The following CHRNA7 variants were observed in gnomAD, a reference collection of about 807,000 sequenced individuals.
CHRNA7 encodes the protein neuronal acetylcholine receptor subunit alpha-7.
In CHRNA7, 17 loss-of-function variants were observed where a neutral mutation model predicts 48.0. That is an observed-to-expected ratio of 0.35 (90% CI 0.24 to 0.53). The LOEUF is 0.53. Among genes scored for constraint, CHRNA7 ranks in the 20% least tolerant of loss-of-function variants. The probability of loss-of-function intolerance (pLI) is 0.92; values close to 1 mark genes in which losing one functional copy is unlikely to be tolerated. For missense variants in CHRNA7, 155 were observed against 577.7 expected (o/e 0.27, Z 7.50); for synonymous variants, 75 against 242.3 (o/e 0.31, Z 6.41).
chr15:32,117,817 C>G (rs1204792985), intron 4 of CHRNA7, among the ~76,000 whole-genome samples: 2 of 152,092 alleles, frequency 1.3e-5, no homozygotes, highest in African/African-American at 4.8e-5. Flanking sequence ...TGTGGTATCC[C>G]TCAGCCTAAC....
intron 4 of CHRNA7, among the ~76,000 whole-genome samples, chr15:32,146,127 A>C (rs1414867397): frequency 6.6e-6 from 1 of 152,380 alleles, no homozygotes; most frequent in East Asian, 1.9e-4. Context: ...AATCCTAACA[A>C]GTTTAGGCTT....
At chr15:32,094,563 A>G (rs1004243509) in intron 2 of CHRNA7, among the ~76,000 whole-genome samples, 7 of 152,208 alleles carry the variant, frequency 4.6e-5, no homozygotes, top group Non-Finnish European at 1.0e-4. Context: ...GTTCGGGCCA[A>G]TTCTCTTAGC....
intron 2 of CHRNA7, among the ~76,000 whole-genome samples, chr15:32,078,985 G>A (rs1052032116): frequency 6.6e-6 from 1 of 152,128 alleles, no homozygotes; most frequent in African/African-American, 2.4e-5. Context: ...TGGGATGCAA[G>A]GTTGGTTCAA....
intron 2 of CHRNA7, among the ~76,000 whole-genome samples, chr15:32,051,689 G>A (rs1238679033): frequency 6.6e-6 from 1 of 152,204 alleles, no homozygotes; most frequent in South Asian, 2.1e-4. Flanking sequence ...ACTCCCTAGT[G>A]AGATGAACCT....
chr15:32,108,723 A>G (rs987099900), intron 3 of CHRNA7, among the ~76,000 whole-genome samples: 13 of 152,188 alleles, frequency 8.5e-5, no homozygotes, highest in African/African-American at 3.1e-4. Context: ...TCCCAAGTCC[A>G]GCAGGATTTT....
At position 32,070,669 on chromosome 15, in the gene CHRNA7, C is replaced by CTTTTTTTTTTTTTTTTT. The variant is rs71113441; in HGVS notation, c.196-30615_196-30599dup. On this transcript the variant is annotated intron_variant, in intron 2 of 9. Transcript: ENST00000306901. ...TGTGTGAACATGTGAGGTTTAGTTC[C>CTTTTTTTTTTTTTTTTT]TTTTTTTTTTTTTTTTTTTTTTTTT... Among the ~76,000 whole-genome samples, 4 of 40,894 alleles carry CTTTTTTTTTTTTTTTTT rather than the reference C, an allele frequency of 9.8e-5. 1 individual carries two copies. Among genetic ancestry groups the CTTTTTTTTTTTTTTTTT allele is most frequent in the Middle Eastern group, 0.022 (1 of 46 alleles). 26.8% of individuals were successfully genotyped at this position (40,894 alleles called of 152,430 possible). A position where few individuals can be genotyped will look rare whatever the true frequency, so the allele number is the denominator to read the frequency against.
chr15:32,074,829 A>G (rs926261441), intron 2 of CHRNA7, among the ~76,000 whole-genome samples: 3 of 151,780 alleles, frequency 2.0e-5, no homozygotes, highest in Non-Finnish European at 4.4e-5. Context: ...TTGTAGTTTC[A>G]TTAGAGATGA....
At chr15:32,057,510 T>C (rs1265055635) in intron 2 of CHRNA7, among the ~76,000 whole-genome samples, 1 of 152,206 alleles carries the variant, frequency 6.6e-6, no homozygotes, top group East Asian at 1.9e-4. Context: ...CCCAACTTTA[T>C]AGCCATAGCT....
chr15:32,131,953 G>A (rs1429100380), intron 4 of CHRNA7, among the ~76,000 whole-genome samples: 1 of 150,350 alleles, frequency 6.7e-6, no homozygotes, highest in African/African-American at 2.4e-5. Context: ...TGGAAGTCCA[G>A]GCTCCCCAAG....
At chr15:32,076,093 A>G (rs1049355985) in intron 2 of CHRNA7, among the ~76,000 whole-genome samples, 1 of 152,108 alleles carries the variant, frequency 6.6e-6, no homozygotes, top group Non-Finnish European at 1.5e-5. Flanking sequence ...AGAGTATGGC[A>G]CATTTTGGTA....
At chr15:32,112,858 G>A (rs1566847612) in intron 4 of CHRNA7, among the ~76,000 whole-genome samples, 1 of 142,646 alleles carries the variant, frequency 7.0e-6, no homozygotes, top group African/African-American at 2.7e-5. Flanking sequence ...CTTTGCATCT[G>A]GGGGCCGGCC....
At chr15:32,044,920 A>G (rs143254489) in intron 2 of CHRNA7, among the ~76,000 whole-genome samples, 125 of 152,288 alleles carry the variant, frequency 8.2e-4, no homozygotes, top group East Asian at 6.0e-3. Flanking sequence ...CTTTGCGGCA[A>G]TTCCCATTAC....
chr15:32,150,880 A>G (rs750524104), intron 4 of CHRNA7, among the ~76,000 whole-genome samples: 15 of 152,092 alleles, frequency 9.9e-5, no homozygotes, highest in Non-Finnish European at 1.2e-4. Context: ...ACTACGGTCA[A>G]GCAAAGAATA....
intron 2 of CHRNA7, among the ~76,000 whole-genome samples, chr15:32,055,815 T>A (rs1254401294): frequency 6.6e-6 from 1 of 152,026 alleles, no homozygotes. Flanking sequence ...CTGTCTCTAC[T>A]AAAAATACAA....
At chr15:32,056,777 T>C (rs2049794846) in intron 2 of CHRNA7, among the ~76,000 whole-genome samples, 1 of 152,254 alleles carries the variant, frequency 6.6e-6, no homozygotes, top group African/African-American at 2.4e-5. Context: ...GATTAAAATA[T>C]CAAATTCTCT....
chr15:32,112,708 A>T (rs1668202945), intron 4 of CHRNA7, among the ~76,000 whole-genome samples: 1 of 152,214 alleles, frequency 6.6e-6, no homozygotes, highest in South Asian at 2.1e-4. Context: ...GGCTTTCCTG[A>T]TGCAGGGAAC....
At chr15:32,042,339 C>A (rs541238615) in intron 2 of CHRNA7, among the ~76,000 whole-genome samples, 1 of 152,116 alleles carries the variant, frequency 6.6e-6, no homozygotes, top group Non-Finnish European at 1.5e-5. Flanking sequence ...CATAATACCC[C>A]GGAGGGTTAG....
chr15:32,153,080 G>A (rs1368396840), intron 4 of CHRNA7, among the ~76,000 whole-genome samples: 1 of 152,110 alleles, frequency 6.6e-6, no homozygotes, highest in African/African-American at 2.4e-5. Context: ...AGCCCTCTGG[G>A]GTTGTGGTGT....
chr15:32,053,818 G>A (rs1288402475), intron 2 of CHRNA7, among the ~76,000 whole-genome samples: 3 of 152,212 alleles, frequency 2.0e-5, no homozygotes, highest in African/African-American at 7.2e-5. Flanking sequence ...TGGGCTGTGG[G>A]AAAGGCCTGG....
Sources: gnomAD v4.1 joint callset for allele counts (sites outside exome capture counted in the v4.1 genomes callset) on GRCh38, gnomAD v4.1.1 for gene constraint, MANE v1.5 for transcripts, NCBI Gene and HGNC (gene_info 2026-07-23, HGNC 2026-07-21) for gene names.